CUL1: variants seen among roughly 807,000 people sequenced by gnomAD.
CUL1 encodes cullin-1.
A neutral mutation model predicts 118.0 loss-of-function variants in CUL1; 24 were observed. That is an observed-to-expected ratio of 0.20 (90% CI 0.15 to 0.29). The LOEUF is 0.29. Among genes scored for constraint, CUL1 ranks in the 10% least tolerant of loss-of-function variants. The pLI, the probability that CUL1 is intolerant of heterozygous loss-of-function variation, is 1.00. For synonymous variants in CUL1, 332 were observed against 340.4 expected (o/e 0.98, Z 0.27); for missense variants, 361 against 933.8 (o/e 0.39, Z 7.99).
intron 9 of CUL1, chr7:148,783,460 G>C: frequency 8.2e-7 from 1 of 1,212,912 alleles, no homozygotes; most frequent in Non-Finnish European, 1.0e-6. Context: ...TTAACAAGGA[G>C]GAATTGGCAA....
chr7:148,728,487 T>C (rs887860477), intron 1 of CUL1, among the ~76,000 whole-genome samples: 3 of 152,152 alleles, frequency 2.0e-5, no homozygotes, highest in Admixed American at 6.5e-5. Flanking sequence ...CAAAACATGG[T>C]TATTATTATA....
At chr7:148,742,357 G>A (rs554226403) in intron 2 of CUL1, among the ~76,000 whole-genome samples, 4 of 152,158 alleles carry the variant, frequency 2.6e-5, no homozygotes, top group Non-Finnish European at 4.4e-5. Flanking sequence ...CAGTAGGCAA[G>A]AGAGCTTATG....
chr7:148,753,200 C>G (rs2129460326), intron 2 of CUL1, among the ~76,000 whole-genome samples: 2 of 152,206 alleles, frequency 1.3e-5, no homozygotes, highest in Admixed American at 1.3e-4. Flanking sequence ...CTTAATTATA[C>G]CAGAATATTG....
intron 14 of CUL1, among the ~76,000 whole-genome samples, chr7:148,789,201 T>C (rs1800925116): frequency 6.6e-6 from 1 of 152,208 alleles, no homozygotes; most frequent in Non-Finnish European, 1.5e-5. Flanking sequence ...GAGAATTTTA[T>C]TTTTCCCAAA....
At chr7:148,741,432 T>TTTATTTAG (rs1438993250) in intron 2 of CUL1, among the ~76,000 whole-genome samples, 2 of 142,646 alleles carry the variant, frequency 1.4e-5, no homozygotes, top group African/African-American at 2.4e-5. Context: ...GTTGTATTTA[T>TTTATTTAG]TTATTTAGTT....
intron 2 of CUL1, among the ~76,000 whole-genome samples, chr7:148,735,919 T>G (rs1446714876): frequency 6.6e-6 from 1 of 152,014 alleles, no homozygotes; most frequent in East Asian, 1.9e-4. Context: ...ACGCCTTTAA[T>G]TCCCGGAATT....
chr7:148,748,956 T>C (rs1371739583), intron 2 of CUL1, among the ~76,000 whole-genome samples: 2 of 152,216 alleles, frequency 1.3e-5, no homozygotes, highest in Non-Finnish European at 2.9e-5. Context: ...ATCAGATTGA[T>C]GTGATGCAGC....
intron 9 of CUL1, among the ~76,000 whole-genome samples, chr7:148,779,534 G>GC (rs975466717): frequency 6.6e-6 from 1 of 152,212 alleles, no homozygotes; most frequent in Admixed American, 6.5e-5. Context: ...CGTACACACA[G>GC]CCCATTCTAA....
At chr7:148,777,208 G>A (rs1800430392) in intron 9 of CUL1, among the ~76,000 whole-genome samples, 1 of 152,194 alleles carries the variant, frequency 6.6e-6, no homozygotes, top group African/African-American at 2.4e-5. Context: ...TTATGGTGCT[G>A]GGATCAGGAA....
At chr7:148,771,574 C>T (rs1800212922) in intron 9 of CUL1, among the ~76,000 whole-genome samples, 2 of 152,140 alleles carry the variant, frequency 1.3e-5, no homozygotes, top group African/African-American at 2.4e-5. Flanking sequence ...TGTTTGGAAG[C>T]GTTCTCTCCA....
rs114066642 is a variant in CUL1, at chr7:148,732,434, C to A, written c.140+2172C>A. ...CTCGGCTCACTGCAACCTCTGTCTC[C>A]CAGGCTTAAACGATCCTCCCATCTC... On this transcript the variant is annotated intron_variant, in intron 2 of 21. Coordinates refer to ENST00000325222, the MANE Select transcript of CUL1 (RefSeq NM_003592.3). 7.8e-3 allele frequency among the ~76,000 whole-genome samples: 1,187 copies of A among 151,468 alleles called. 14 individuals are homozygous for A. Among genetic ancestry groups the A allele is most frequent in the African/African-American group, 0.027 (1,128 of 41,192 alleles).
intron 2 of CUL1, among the ~76,000 whole-genome samples, chr7:148,750,033 C>G (rs1485188170): frequency 6.6e-6 from 1 of 152,222 alleles, no homozygotes; most frequent in Non-Finnish European, 1.5e-5. Flanking sequence ...GAGCAAGGCC[C>G]TAACTCTCTG....
chr7:148,788,478 T>C, intron 13 of CUL1, 79 bp from the exon 14 acceptor site: 1 of 889,472 alleles, frequency 1.1e-6, no homozygotes, highest in South Asian at 1.5e-5. Flanking sequence ...TATTGTATAC[T>C]CTGATTTCTC....
intron 14 of CUL1, 114 bp downstream of exon 14, chr7:148,788,788 C>G (rs982558828): frequency 1.4e-5 from 10 of 739,464 alleles, no homozygotes; most frequent in Non-Finnish European, 2.3e-5. Context: ...AATTCAAGAA[C>G]TAAGAAGCGG....
chr7:148,746,124 G>T (rs1043655325), intron 2 of CUL1, among the ~76,000 whole-genome samples: 1 of 151,992 alleles, frequency 6.6e-6, no homozygotes, highest in Non-Finnish European at 1.5e-5. Context: ...GGGTGGGCTT[G>T]GGGGAGGAAG....
intron 1 of CUL1, among the ~76,000 whole-genome samples, chr7:148,701,932 T>C (rs2129458742): frequency 6.6e-6 from 1 of 152,368 alleles, no homozygotes; most frequent in Admixed American, 6.5e-5. Context: ...TGGGGGACTG[T>C]CAGCTTCATT....
intron 1 of CUL1, among the ~76,000 whole-genome samples, chr7:148,705,896 T>G (rs1797865159): frequency 6.6e-6 from 1 of 152,216 alleles, no homozygotes; most frequent in South Asian, 2.1e-4. Context: ...TTAAAACGTT[T>G]GCTTGCCATT....
chr7:148,700,423 C>A (rs1379991699), intron 1 of CUL1, among the ~76,000 whole-genome samples: 1 of 152,110 alleles, frequency 6.6e-6, no homozygotes, highest in Non-Finnish European at 1.5e-5. Context: ...TTCTGAAATC[C>A]TGGAGAGTGT....
intron 7 of CUL1, among the ~76,000 whole-genome samples, chr7:148,762,913 G>A (rs984993502): frequency 1.3e-5 from 2 of 152,186 alleles, no homozygotes; most frequent in Non-Finnish European, 2.9e-5. Flanking sequence ...TTGGGAGGCC[G>A]AGGTGGGCAG....
Sources: gnomAD v4.1 joint callset for allele counts (sites outside exome capture counted in the v4.1 genomes callset) on GRCh38, gnomAD v4.1.1 for gene constraint, MANE v1.5 for transcripts, NCBI Gene and HGNC (gene_info 2026-07-23, HGNC 2026-07-21) for gene names.